PDZD2: variants seen among roughly 807,000 people sequenced by gnomAD.
The protein encoded by PDZD2 is PDZ domain containing 2, also known as PDZ domain-containing protein 2.
PDZD2 carries 90 observed loss-of-function variants against 220.7 expected under a neutral mutation model. The ratio of observed to expected loss-of-function variants is 0.41; its 90% CI spans 0.34 to 0.49. The LOEUF (loss-of-function observed/expected upper bound fraction) is 0.49. PDZD2 is among the 20% of genes least tolerant of loss of function. The probability of loss-of-function intolerance (pLI) is 0.28; values close to 1 mark genes in which losing one functional copy is unlikely to be tolerated. For synonymous variants in PDZD2, 1,375 were observed against 1,450.5 expected (o/e 0.95, Z 1.18); for missense variants, 3,174 against 3,608.5 (o/e 0.88, Z 3.08).
chr5:31,740,555 A>AAAAAAAAAAC (rs1750193884), intron 1 of PDZD2, among the ~76,000 whole-genome samples: 1 of 138,702 alleles, frequency 7.2e-6, no homozygotes, highest in African/African-American at 2.7e-5. Flanking sequence ...AAAAAAAAAA[A>AAAAAAAAAAC]AAATCTGCTG....
At chr5:31,869,725 GTTCCAGAAAA>G (rs1738600759) in intron 2 of PDZD2, among the ~76,000 whole-genome samples, 1 of 152,190 alleles carries the variant, frequency 6.6e-6, no homozygotes, top group Non-Finnish European at 1.5e-5. Context: ...TCTTCAGGAT[GTTCCAGAAAA>G]TTCTCCGTCT....
rs186012493 is a variant in PDZD2 at position 32,020,156 on chromosome 5, C to T, written c.1407+9674C>T. On this transcript the variant is annotated intron_variant, in intron 6 of 24. Transcript: ENST00000438447. ...AATCTCAGCTCACTGCAACCTCCACCTCCATGCCTAGCTAATTTTTGTATT... is the reference window on the plus strand; with the variant it reads ...AATCTCAGCTCACTGCAACCTCCACTTCCATGCCTAGCTAATTTTTGTATT... 1.7e-3 allele frequency among the ~76,000 whole-genome samples: 261 copies of T among 151,900 alleles called. 2 individuals are homozygous for T. Among genetic ancestry groups the T allele is most frequent in the African/African-American group, 5.4e-3 (223 of 41,428 alleles).
At chr5:31,710,108 C>T (rs1048498714) in intron 1 of PDZD2, among the ~76,000 whole-genome samples, 3 of 148,330 alleles carry the variant, frequency 2.0e-5, no homozygotes, top group Non-Finnish European at 1.5e-5. Context: ...AAGTGAAGAA[C>T]CTGTGAAGGA....
chr5:31,708,889 T>C (rs72755424), intron 1 of PDZD2, among the ~76,000 whole-genome samples: 20,483 of 151,762 alleles, frequency 0.13, 1,550 homozygotes, highest in East Asian at 0.21. Flanking sequence ...TTGTTTTTTT[T>C]TTTTTTTTAA....
chr5:31,662,806 A>AT (rs1258490959), intron 1 of PDZD2, among the ~76,000 whole-genome samples: 1 of 152,058 alleles, frequency 6.6e-6, no homozygotes, highest in Non-Finnish European at 1.5e-5. Flanking sequence ...ATTTTTTTGC[A>AT]TTTTTAGTAG....
At chr5:32,080,243 G>A (rs984010048) in intron 19 of PDZD2, among the ~76,000 whole-genome samples, 1 of 150,172 alleles carries the variant, frequency 6.7e-6, no homozygotes, top group Non-Finnish European at 1.5e-5. Flanking sequence ...AACTACTCAG[G>A]AAGCTGAGGC....
rs1561499288 is a variant in PDZD2, at chr5:31,840,435, TATATATATATA to T, written c.476+40712_476+40722del. 701 of 93,286 alleles carry T rather than the reference TATATATATATA, an allele frequency of 7.5e-3. 52 individuals carry two copies. The highest frequency in any genetic ancestry group is 0.023 in the African/African-American group (552 of 24,096). 5.8% of individuals were successfully genotyped at this position (93,286 alleles called of 1,614,324 possible). ...ATATATATATATATATATATATATA[TATATATATATA>T]TATTTGTTTATAGTCCAGAGGTCTT... On this transcript the variant is annotated intron_variant, in intron 2 of 24. Transcript: ENST00000438447.
In PDZD2 at chr5:31,945,740, A is replaced by G. The variant is rs570077182; in HGVS notation, c.477-37415A>G. Among the ~76,000 whole-genome samples, 20 of 152,068 alleles carry G rather than the reference A, an allele frequency of 1.3e-4. No homozygotes were observed. In the East Asian group the frequency reaches 3.7e-3, roughly 28 times the overall value. ...GACCACATCGTCTTCCCTGGCTTGG[A>G]TCCAGGTGCTTCCTGGGTCTCCTCC... On this transcript the variant is annotated intron_variant, in intron 2 of 24. Coordinates refer to ENST00000438447, the MANE Select transcript of PDZD2 (RefSeq NM_178140.4).
chr5:31,712,914 T>C (rs1334978487), intron 1 of PDZD2, among the ~76,000 whole-genome samples: 1 of 152,228 alleles, frequency 6.6e-6, no homozygotes, highest in Non-Finnish European at 1.5e-5. Context: ...TCAAAACTCC[T>C]GACTGCAGGA....
At chr5:31,787,633 A>G (rs1753456354) in intron 1 of PDZD2, 1 of 151,700 alleles carries the variant, frequency 6.6e-6, no homozygotes, top group African/African-American at 2.4e-5. Context: ...CCTATTCTTC[A>G]AAGGTCATCA....
rs144474293 is a variant in PDZD2, at chr5:31,975,175, A to G, written c.477-7980A>G. On this transcript the variant is annotated intron_variant, in intron 2 of 24. Transcript: ENST00000438447. The stretch of plus-strand genomic sequence containing the variant: ...CACGCTGCTAATAAAGACACACCCG[A>G]GACTGGGTGATTTATAGAGGAAAGA... Among the ~76,000 whole-genome samples the G allele has an allele frequency of 3.0e-3, 451 of 152,302 alleles. 1 individual carries two copies. Among genetic ancestry groups the G allele is most frequent in the African/African-American group, 0.011 (438 of 41,552 alleles).
chr5:31,854,964 G>T (rs887565415), intron 2 of PDZD2: 1 of 985,504 alleles, frequency 1.0e-6, no homozygotes, highest in Non-Finnish European at 1.2e-6. Flanking sequence ...CAGCCTTCGG[G>T]AAGTCCTGCA....
chr5:31,916,656 G>A (rs1743709640), intron 2 of PDZD2, among the ~76,000 whole-genome samples: 1 of 119,358 alleles, frequency 8.4e-6, no homozygotes, highest in Non-Finnish European at 1.7e-5. Context: ...GTGTTCAGCT[G>A]TTTTCTTCAT....
chr5:31,926,815 C>A (rs1744819883), intron 2 of PDZD2, among the ~76,000 whole-genome samples: 1 of 151,952 alleles, frequency 6.6e-6, no homozygotes, highest in African/African-American at 2.4e-5. Context: ...ATGGAATGAA[C>A]CTATGTGCCC....
intron 2 of PDZD2, among the ~76,000 whole-genome samples, chr5:31,862,297 T>G (rs1580924407): frequency 6.6e-6 from 1 of 151,770 alleles, no homozygotes; most frequent in African/African-American, 2.4e-5. Flanking sequence ...TAGAGATGGG[T>G]TTTGCCATGT....
At chr5:31,695,579 G>A (rs981739269) in intron 1 of PDZD2, among the ~76,000 whole-genome samples, 3 of 152,130 alleles carry the variant, frequency 2.0e-5, no homozygotes, top group East Asian at 1.9e-4. Context: ...AATATGAGTC[G>A]TCCTGAAGAC....
At chr5:31,735,981 A>T (rs79898340) in intron 1 of PDZD2, among the ~76,000 whole-genome samples, 9,279 of 151,988 alleles carry the variant, frequency 0.061, 343 homozygotes, top group Admixed American at 0.11. Flanking sequence ...TCCAAATTAT[A>T]TAGAGCACAA....
At chr5:31,859,204 C>T (rs1737450628) in intron 2 of PDZD2, among the ~76,000 whole-genome samples, 1 of 152,146 alleles carries the variant, frequency 6.6e-6, no homozygotes, top group Admixed American at 6.5e-5. Flanking sequence ...ACATAGCCTT[C>T]AAATTTTCAG....
At chr5:31,895,275 A>G (rs1190617868) in intron 2 of PDZD2, among the ~76,000 whole-genome samples, 1 of 152,140 alleles carries the variant, frequency 6.6e-6, no homozygotes, top group Non-Finnish European at 1.5e-5. Context: ...CTGAAGGTTG[A>G]GGGTATCAGG....
Sources: allele counts gnomAD v4.1 joint callset (sites outside exome capture counted in the v4.1 genomes callset), GRCh38; gene constraint gnomAD v4.1.1; transcripts MANE v1.5; gene names NCBI Gene and HGNC (gene_info 2026-07-23, HGNC 2026-07-21).